Variants in FHIT observed in about 807,000 individuals in gnomAD.
The protein encoded by FHIT is fragile histidine triad diadenosine triphosphatase, also known as bis(5'-adenosyl)-triphosphatase.
FHIT carries 19 observed loss-of-function variants against 17.9 expected under a neutral mutation model. The observed-to-expected ratio is 1.06, with a 90% confidence interval of 0.74 to 1.56. The LOEUF is 1.56. Among genes scored for constraint, FHIT ranks in the 40% most tolerant of loss-of-function variants. The pLI, the probability that FHIT is intolerant of heterozygous loss-of-function variation, is 0.00. For missense variants in FHIT, 248 were observed against 189.2 expected (o/e 1.31, Z -1.82); for synonymous variants, 81 against 69.7 (o/e 1.16, Z -0.81).
At chr3:61,098,858 G>A (rs966296524) in intron 2 of FHIT, among the ~76,000 whole-genome samples, 5 of 152,150 alleles carry the variant, frequency 3.3e-5, no homozygotes, top group African/African-American at 1.2e-4. Flanking sequence ...AGGCTGAGAC[G>A]ATGGGGTTTT....
chr3:60,928,709 T>C (rs1553770752), intron 3 of FHIT, among the ~76,000 whole-genome samples: 1 of 151,750 alleles, frequency 6.6e-6, no homozygotes, highest in African/African-American at 2.4e-5. Context: ...GGCTCTGAAA[T>C]TGAGGCAACA....
chr3:60,544,866 G>T (rs2036310449), intron 4 of FHIT, among the ~76,000 whole-genome samples: 1 of 151,940 alleles, frequency 6.6e-6, no homozygotes, highest in Admixed American at 6.6e-5. Flanking sequence ...CAAAGTGCTG[G>T]GATTACAAGC....
chr3:60,931,023 A>G (rs2107365291), intron 3 of FHIT, among the ~76,000 whole-genome samples: 1 of 152,376 alleles, frequency 6.6e-6, no homozygotes, highest in South Asian at 2.1e-4. Flanking sequence ...ACCATGGAAT[A>G]CTATGCAGCC....
At position 59,749,466 on chromosome 3, in the gene FHIT, G is replaced by A. The variant is rs1700764707; in HGVS notation, c.*119C>T. The A allele has an allele frequency of 4.3e-6, 1 of 231,778 alleles. No homozygotes were observed. Among genetic ancestry groups the A allele is most frequent in the Non-Finnish European group, 8.5e-6 (1 of 117,248 alleles). 14.4% of individuals were successfully genotyped at this position (231,778 alleles called of 1,614,324 possible). Reference sequence around the variant, plus strand: ...CTGGTTGAAGAATACAGGATGGTGAGATGAAGAAACTGCATTTTCATGCTG... The same window carrying A: ...CTGGTTGAAGAATACAGGATGGTGAAATGAAGAAACTGCATTTTCATGCTG... On this transcript the variant is annotated 3_prime_UTR_variant, in exon 10 of 10. Coordinates refer to ENST00000492590, the MANE Select transcript of FHIT (RefSeq NM_002012.4).
chr3:60,578,759 T>C (rs1247787686), intron 4 of FHIT, among the ~76,000 whole-genome samples: 1 of 152,138 alleles, frequency 6.6e-6, no homozygotes, highest in Non-Finnish European at 1.5e-5. Flanking sequence ...TGAAACATTT[T>C]TGAAGGGAGT....
chr3:61,097,305 G>A (rs2035674196), intron 2 of FHIT, among the ~76,000 whole-genome samples: 1 of 152,148 alleles, frequency 6.6e-6, no homozygotes, highest in South Asian at 2.1e-4. Context: ...CCTCACCCGG[G>A]AAGCGCAAAC....
chr3:61,090,219 T>C (rs2035437427), intron 2 of FHIT, among the ~76,000 whole-genome samples: 1 of 152,224 alleles, frequency 6.6e-6, no homozygotes, highest in Non-Finnish European at 1.5e-5. Context: ...GTCAGCCCTT[T>C]GTTTTAGGGG....
At chr3:60,874,407 T>C (rs1320971108) in intron 3 of FHIT, among the ~76,000 whole-genome samples, 2 of 152,174 alleles carry the variant, frequency 1.3e-5, no homozygotes, top group East Asian at 1.9e-4. Flanking sequence ...TTTCAAGAGC[T>C]CTGGGAACTC....
chr3:59,940,994 A>G (rs1373760630), intron 7 of FHIT, among the ~76,000 whole-genome samples: 1 of 151,988 alleles, frequency 6.6e-6, no homozygotes, highest in Non-Finnish European at 1.5e-5. Context: ...TTGTTCCCAT[A>G]CTCACGGCCA....
intron 5 of FHIT, among the ~76,000 whole-genome samples, chr3:60,499,562 T>C (rs1363435311): frequency 6.6e-6 from 1 of 152,082 alleles, no homozygotes; most frequent in Non-Finnish European, 1.5e-5. Flanking sequence ...CGGCTAATAT[T>C]TTGTATCTTT....
chr3:59,846,331 G>A (rs1701719288), intron 8 of FHIT, among the ~76,000 whole-genome samples: 1 of 152,024 alleles, frequency 6.6e-6, no homozygotes, highest in African/African-American at 2.4e-5. Context: ...ACTGTAATTT[G>A]AATTTATGCC....
intron 5 of FHIT, among the ~76,000 whole-genome samples, chr3:60,478,032 T>C (rs452392): frequency 6.6e-6 from 1 of 151,860 alleles, no homozygotes; most frequent in Non-Finnish European, 1.5e-5. Flanking sequence ...AAATAATAAT[T>C]GCAACAAAAG....
chr3:60,039,719 A>G (rs576479421), intron 5 of FHIT, among the ~76,000 whole-genome samples: 1 of 152,384 alleles, frequency 6.6e-6, no homozygotes, highest in South Asian at 2.1e-4. Context: ...CAATACTTTC[A>G]CACTGGGAAG....
At chr3:59,769,411 G>T (rs1430929858) in intron 8 of FHIT, among the ~76,000 whole-genome samples, 1 of 152,158 alleles carries the variant, frequency 6.6e-6, no homozygotes, top group East Asian at 1.9e-4. Flanking sequence ...CCTGTAGAAG[G>T]CTTGGCTGGA....
Position 59,971,494 on chromosome 3 carries a change from A to G in FHIT, c.279+39877T>C, listed in dbSNP as rs1436998525. 3.5e-5 allele frequency among the ~76,000 whole-genome samples: 4 copies of G among 114,276 alleles called. No homozygotes were observed. The East Asian group carries it at 9.1e-4, about 26-fold the overall frequency. 75.0% of individuals were successfully genotyped at this position (114,276 alleles called of 152,430 possible). A position where few individuals can be genotyped will look rare whatever the true frequency, so the allele number is the denominator to read the frequency against. On this transcript the variant is annotated intron_variant, in intron 7 of 9. Transcript: ENST00000492590. The stretch of plus-strand genomic sequence containing the variant: ...GAACCTAAGGTTTCATGGGTTCATA[A>G]ACTCTCTTTTTTTGCTAACCTCCCA...
intron 5 of FHIT, among the ~76,000 whole-genome samples, chr3:60,278,246 T>A (rs1239217691): frequency 6.6e-6 from 1 of 152,154 alleles, no homozygotes; most frequent in Non-Finnish European, 1.5e-5. Flanking sequence ...GAGAAAAATC[T>A]CAGGGAAGAG....
intron 2 of FHIT, among the ~76,000 whole-genome samples, chr3:61,116,528 G>T (rs181198670): frequency 6.6e-6 from 1 of 151,894 alleles, no homozygotes; most frequent in Non-Finnish European, 1.5e-5. Flanking sequence ...ATCACTCTTC[G>T]TTCCTACAAA....
At chr3:60,179,500 C>T (rs1192109945) in intron 5 of FHIT, among the ~76,000 whole-genome samples, 1 of 152,144 alleles carries the variant, frequency 6.6e-6, no homozygotes, top group African/African-American at 2.4e-5. Context: ...GGAACTTGTT[C>T]CGTGACCTTC....
rs573898128 is a variant in FHIT at position 60,327,893 on chromosome 3, G to C, written c.103+208967C>G. 2.6e-5 allele frequency among the ~76,000 whole-genome samples: 4 copies of C among 152,270 alleles called. 1 individual carries two copies. The highest frequency in any genetic ancestry group is 9.6e-5 in the African/African-American group (4 of 41,548). On this transcript the variant is annotated intron_variant, in intron 5 of 9. Transcript: ENST00000492590. ...CTGGCAGGCGAAGGAAACAAGAAGGGAGGTGGAGGCACTCAGACAAGAGCA... is the reference window on the plus strand; with the variant it reads ...CTGGCAGGCGAAGGAAACAAGAAGGCAGGTGGAGGCACTCAGACAAGAGCA...
Sources: gnomAD v4.1 joint callset for allele counts (sites outside exome capture counted in the v4.1 genomes callset) on GRCh38, gnomAD v4.1.1 for gene constraint, MANE v1.5 for transcripts, NCBI Gene and HGNC (gene_info 2026-07-23, HGNC 2026-07-21) for gene names.